Variants in KCTD2 observed in about 807,000 individuals in gnomAD.
The protein encoded by KCTD2 is potassium channel tetramerization domain containing 2.
KCTD2 carries 18 observed loss-of-function variants against 27.9 expected under a neutral mutation model. The ratio of observed to expected loss-of-function variants is 0.64; its 90% CI spans 0.45 to 0.96. The LOEUF (loss-of-function observed/expected upper bound fraction) is 0.96, where lower values mean the gene tolerates loss of function less well. Ranked by LOEUF, KCTD2 falls within the 40% of genes least tolerant of loss-of-function variation. The pLI is 0.00. For synonymous variants in KCTD2, 175 were observed against 148.4 expected (o/e 1.18, Z -1.30); for missense variants, 280 against 348.0 (o/e 0.80, Z 1.56).
rs574290942 is a variant in KCTD2 at position 75,037,812 on chromosome 17, G to A, written c.-259+2455G>A. On this transcript the variant is annotated intron_variant, in intron 3 of 7. Transcript: ENST00000581589. ...CGCCTGTAATCCCAGCACTTTGGGA[G>A]GCTGAGGCGGGCGGATCACAAGGTC... Among the ~76,000 whole-genome samples the A allele has an allele frequency of 9.3e-4, 142 of 152,300 alleles. 1 individual carries two copies. The South Asian group carries it at 0.011, about 12-fold the overall frequency.
intron 2 of KCTD2, among the ~76,000 whole-genome samples, chr17:75,051,122 C>T (rs1271650270): frequency 6.6e-6 from 1 of 150,468 alleles, no homozygotes; most frequent in Non-Finnish European, 1.5e-5. Flanking sequence ...TATAGGCGCC[C>T]ACCACCACAC....
At chr17:75,039,272 C>T (rs776436658) in intron 3 of KCTD2, 16 of 1,613,966 alleles carry the variant, frequency 9.9e-6, no homozygotes, top group Non-Finnish European at 1.4e-5. Flanking sequence ...AAGATTTCAC[C>T]TTTAAGAAGA....
At chr17:75,043,905 T>A (rs898092776), upstream of KCTD2, among the ~76,000 whole-genome samples, 4 of 149,024 alleles carry the variant, frequency 2.7e-5, no homozygotes, top group Non-Finnish European at 5.9e-5. Flanking sequence ...GCACAGCAAC[T>A]TGCTCCAGAG....
chr17:75,042,066 T>C, intron 3 of KCTD2: 2 of 908,334 alleles, frequency 2.2e-6, no homozygotes, highest in South Asian at 3.4e-5. Context: ...ATACGCATCC[T>C]TCCTAAGCTT....
In KCTD2 at chr17:75,039,325, C is replaced by G. The variant is rs2073134830; in HGVS notation, c.-259+3968C>G. 1.9e-6 allele frequency: 3 copies of G among 1,539,096 alleles called. No homozygotes were observed. In the Admixed American group the frequency reaches 5.0e-5, roughly 26 times the overall value. ...GAAACCAGGCTGCATTCTACCCCAGCAGCTGCTAAGGTAGGAGTCGTCCCA... is the reference window on the plus strand; with the variant it reads ...GAAACCAGGCTGCATTCTACCCCAGGAGCTGCTAAGGTAGGAGTCGTCCCA... On this transcript the variant is annotated intron_variant, in intron 3 of 7. Coordinates refer to the KCTD2 transcript ENST00000581589.
chr17:75,062,666 C>T (rs1026105631), intron 5 of KCTD2, among the ~76,000 whole-genome samples: 1 of 149,582 alleles, frequency 6.7e-6, no homozygotes, highest in African/African-American at 2.5e-5. Context: ...AAAACTGTTT[C>T]TTTTCCCTCC....
chr17:75,039,140 C>T, intron 3 of KCTD2: 2 of 1,610,554 alleles, frequency 1.2e-6, no homozygotes, highest in Admixed American at 1.7e-5. Flanking sequence ...TTCCTGCCAC[C>T]AGGTGAAAGA....
In KCTD2 at chr17:75,047,594, G is replaced by A. The variant is rs1381715560; in HGVS notation, c.339+5G>A. ...CCGGAGCTGGACTCAGACAAGGTGT[G>A]CCCCGCCCTCGGGCGCGCCCCCGGG... On this transcript the variant is annotated splice_donor_5th_base_variant and intron_variant, in intron 1 of 5. Coordinates refer to ENST00000322444, the MANE Select transcript of KCTD2 (RefSeq NM_015353.3). The A allele has an allele frequency of 2.5e-6, 4 of 1,606,088 alleles. No homozygotes were observed. Among genetic ancestry groups the A allele is most frequent in the Non-Finnish European group, 1.7e-6 (2 of 1,176,706 alleles).
intron 3 of KCTD2, among the ~76,000 whole-genome samples, chr17:75,056,952 C>CTTTTTTTTTTTTT (rs35875644): frequency 1.5e-4 from 16 of 107,994 alleles, no homozygotes; most frequent in African/African-American, 4.3e-4. Flanking sequence ...TTTCTTTTTT[C>CTTTTTTTTTTTTT]TTTTTTTTTT....
chr17:75,039,603 C>T (rs11077772), intron 3 of KCTD2: 42,714 of 319,596 alleles, frequency 0.13, 5,156 homozygotes, highest in East Asian at 0.59. Flanking sequence ...AGACTTCTCT[C>T]TGGTGGAGCC....
At chr17:75,047,827 C>T (rs537076850) in intron 1 of KCTD2, among the ~76,000 whole-genome samples, 1 of 152,234 alleles carries the variant, frequency 6.6e-6, no homozygotes, top group African/African-American at 2.4e-5. Flanking sequence ...TCTGAGACTC[C>T]TTCCCACACT....
At chr17:75,057,813 G>A (rs998504513) in intron 3 of KCTD2, among the ~76,000 whole-genome samples, 15 of 150,868 alleles carry the variant, frequency 9.9e-5, no homozygotes, top group South Asian at 4.3e-4. Flanking sequence ...CGCCCACCTC[G>A]GTCTCCCAAA....
In KCTD2 at chr17:75,063,266, A is replaced by G. The variant is rs2073422962; in HGVS notation, c.*219A>G. On this transcript the variant is annotated 3_prime_UTR_variant, in exon 6 of 6. Transcript: ENST00000322444. ...CTGGCTGCAGAATACCTTTTCAGAA[A>G]CCTGCTTTCATTTGCTTAGCCAGTA... 3.4e-6 allele frequency: 2 copies of G among 593,884 alleles called. No homozygotes were observed. Among genetic ancestry groups the G allele is most frequent in the Non-Finnish European group, 6.0e-6 (2 of 333,606 alleles). 36.8% of individuals were successfully genotyped at this position (593,884 alleles called of 1,614,324 possible). A position where few individuals can be genotyped will look rare whatever the true frequency, so the allele number is the denominator to read the frequency against.
At chr17:75,039,986 T>C in intron 3 of KCTD2, 1 of 1,171,104 alleles carries the variant, frequency 8.5e-7, no homozygotes, top group Non-Finnish European at 1.2e-6. Context: ...TTCCTTTATA[T>C]GGCTGTTAAC....
upstream of KCTD2, among the ~76,000 whole-genome samples, chr17:75,046,359 G>A (rs775735277): frequency 4.3e-4 from 66 of 152,192 alleles, no homozygotes; most frequent in Non-Finnish European, 8.4e-4. Flanking sequence ...TGGGATTACA[G>A]GCGTGAGCCA....
At chr17:75,044,681 A>C (rs2073195350), upstream of KCTD2, among the ~76,000 whole-genome samples, 1 of 152,218 alleles carries the variant, frequency 6.6e-6, no homozygotes, top group African/African-American at 2.4e-5. Flanking sequence ...AAAATGTGAG[A>C]AAAATACAGA....
Position 75,047,242 on chromosome 17 carries a change from C to CGGCGGT in KCTD2, c.-7_-6insCGGTGG. On this transcript the variant is annotated 5_prime_UTR_variant, in exon 1 of 6. Transcript: ENST00000322444. ...GCGCGGGCAGCAGCGGTGGCGGCGG[C>CGGCGGT]GGTCCAAGATGGCGGAACTGCAGCT... 2 of 765,238 alleles carry CGGCGGT rather than the reference C, an allele frequency of 2.6e-6. No homozygotes were observed. Among genetic ancestry groups the CGGCGGT allele is most frequent in the Non-Finnish European group, 3.3e-6 (2 of 606,380 alleles). 47.4% of individuals were successfully genotyped at this position (765,238 alleles called of 1,614,324 possible). A position where few individuals can be genotyped will look rare whatever the true frequency, so the allele number is the denominator to read the frequency against.
chr17:75,047,240 G>T lies in KCTD2; in HGVS notation c.-11G>T, dbSNP rs557218992. 1.2e-4 allele frequency: 109 copies of T among 920,666 alleles called. No homozygotes were observed. The Admixed American group carries it at 1.5e-3, about 13-fold the overall frequency. The allele number at this position is 920,666 out of a possible 1,614,324, so 57.0% of individuals were successfully genotyped here. A position where few individuals can be genotyped will look rare whatever the true frequency, so the allele number is the denominator to read the frequency against. On this transcript the variant is annotated 5_prime_UTR_variant, in exon 1 of 6. Transcript: ENST00000322444. ...GCGCGCGGGCAGCAGCGGTGGCGGC[G>T]GCGGTCCAAGATGGCGGAACTGCAG...
intron 4 of KCTD2, chr17:75,060,682 G>A (rs2073396012): frequency 7.1e-7 from 1 of 1,399,776 alleles, no homozygotes; most frequent in Non-Finnish European, 9.5e-7. Flanking sequence ...GGCGGGTCAG[G>A]CTGCACTCAG....
Sources: gnomAD v4.1 joint callset for allele counts (sites outside exome capture counted in the v4.1 genomes callset) on GRCh38, gnomAD v4.1.1 for gene constraint, MANE v1.5 for transcripts, NCBI Gene and HGNC (gene_info 2026-07-23, HGNC 2026-07-21) for gene names.